SH3TC1: variants seen among roughly 807,000 people sequenced by gnomAD.
The protein encoded by SH3TC1 is SH3 domain and tetratricopeptide repeats 1, also known as SH3 domain and tetratricopeptide repeat-containing protein 1.
SH3TC1 carries 135 observed loss-of-function variants against 117.3 expected under a neutral mutation model. That is an observed-to-expected ratio of 1.15 (90% CI 1.00 to 1.33). SH3TC1 has a LOEUF of 1.33. Among genes scored for constraint, SH3TC1 ranks in the 40% most tolerant of loss-of-function variants. The pLI is 0.00. For synonymous variants in SH3TC1, 898 were observed against 816.9 expected (o/e 1.10, Z -1.69); for missense variants, 2,092 against 1,794.3 (o/e 1.17, Z -3.00).
Position 8,235,428 on chromosome 4 carries a change from T to C in SH3TC1, c.3283-5T>C. 1 of 1,498,272 alleles carries C rather than the reference T, an allele frequency of 6.7e-7. No homozygotes were observed. Among genetic ancestry groups the C allele is most frequent in the Non-Finnish European group, 9.0e-7 (1 of 1,116,304 alleles). The allele number at this position is 1,498,272 out of a possible 1,614,324, so 92.8% of individuals were successfully genotyped here. ...GGTCTTGAGGGAACTTCTGCCTCCTTTCAGGTGGCACAGAACGTGGCCCTG... is the reference window on the plus strand; with the variant it reads ...GGTCTTGAGGGAACTTCTGCCTCCTCTCAGGTGGCACAGAACGTGGCCCTG... On this transcript the variant is annotated splice_polypyrimidine_tract_variant and splice_region_variant and intron_variant, in intron 14 of 17. Coordinates refer to ENST00000245105, the MANE Select transcript of SH3TC1 (RefSeq NM_018986.5).
At chr4:8,232,353 G>A (rs1275789945) in intron 13 of SH3TC1, 197 bp downstream of exon 13, 1 of 1,574,312 alleles carries the variant, frequency 6.4e-7, no homozygotes, top group African/African-American at 1.3e-5. Flanking sequence ...CCCAGCTTGA[G>A]CTTCCCTTGT....
At chr4:8,204,215 C>T (rs1033566040) in intron 1 of SH3TC1, among the ~76,000 whole-genome samples, 1 of 152,192 alleles carries the variant, frequency 6.6e-6, no homozygotes, top group Non-Finnish European at 1.5e-5. Flanking sequence ...GGGGACGAGT[C>T]CACGCACCGG....
At chr4:8,214,960 A>G (rs1401190426) in intron 5 of SH3TC1, among the ~76,000 whole-genome samples, 1 of 152,238 alleles carries the variant, frequency 6.6e-6, no homozygotes, top group African/African-American at 2.4e-5. Flanking sequence ...TGCTGGGATT[A>G]CAGGCATGAG....
chr4:8,195,006 T>A (rs1006599086), upstream of SH3TC1, among the ~76,000 whole-genome samples: 16 of 152,154 alleles, frequency 1.1e-4, no homozygotes, highest in Non-Finnish European at 2.1e-4. Flanking sequence ...ATAGGAGCTG[T>A]GTGGCCCTGG....
In SH3TC1 at chr4:8,209,892, G is replaced by A; in HGVS notation, c.247+70G>A. The A allele has an allele frequency of 6.7e-7, 1 of 1,489,316 alleles. No homozygotes were observed. The allele number at this position is 1,489,316 out of a possible 1,614,324, so 92.3% of individuals were successfully genotyped here. A position where few individuals can be genotyped will look rare whatever the true frequency, so the allele number is the denominator to read the frequency against. The stretch of plus-strand genomic sequence containing the variant: ...GCTGTGCCGCTCCCTGGGCATCCAA[G>A]AGTCCAACCCAGGGCTTCTCAAAGT... On this transcript the variant is annotated intron_variant, in intron 3 of 17. Coordinates refer to ENST00000245105, the MANE Select transcript of SH3TC1 (RefSeq NM_018986.5). The surrounding 1 kb of genome is among the most constrained non-coding windows in gnomAD (Gnocchi z 5.9).
rs943445415 is a variant in SH3TC1, at chr4:8,241,019, G to A, written c.*64G>A. On this transcript the variant is annotated 3_prime_UTR_variant, in exon 18 of 18. Coordinates refer to ENST00000245105, the MANE Select transcript of SH3TC1 (RefSeq NM_018986.5). ...GGGGTCTCCTGCCTCTCCTGGTGTC[G>A]CCGGTGGCTCATTTTCTGGCAAATG... 41 of 1,568,992 alleles carry A rather than the reference G, an allele frequency of 2.6e-5. No individual in the cohort carries two copies. Among genetic ancestry groups the A allele is most frequent in the East Asian group, 9.0e-5 (4 of 44,252 alleles).
chr4:8,232,667 C>T, intron 13 of SH3TC1: 28 of 1,292,916 alleles, frequency 2.2e-5, no homozygotes, highest in Non-Finnish European at 2.8e-5. Context: ...AGCATCCTGA[C>T]CTGGTGGGGT....
intron 1 of SH3TC1, among the ~76,000 whole-genome samples, chr4:8,191,897 G>T (rs575232755): frequency 1.8e-4 from 27 of 152,284 alleles, no homozygotes; most frequent in African/African-American, 6.0e-4. Flanking sequence ...GGGCTGCTCA[G>T]CGTGGAGCTG....
intron 17 of SH3TC1, among the ~76,000 whole-genome samples, chr4:8,239,439 C>CAT (rs397940650): frequency 1.4e-5 from 2 of 147,742 alleles, no homozygotes; most frequent in East Asian, 2.0e-4. Context: ...TGCACACACA[C>CAT]GGACACGCAC....
rs200062484 is a variant in SH3TC1, at chr4:8,230,297, TTTTAA to T, written c.2950+1658_2950+1662del. Among the ~76,000 whole-genome samples, 227 of 152,286 alleles carry T rather than the reference TTTTAA, an allele frequency of 1.5e-3. 7 individuals are homozygous for T. In the East Asian group the frequency reaches 0.039, roughly 26 times the overall value. On this transcript the variant is annotated intron_variant, in intron 12 of 17. Coordinates refer to ENST00000245105, the MANE Select transcript of SH3TC1 (RefSeq NM_018986.5). Reference sequence around the variant, plus strand: ...GATTTTAGAAACTTGGGTTTTTAATTTTTAATTTATTTATTTTTATTAGAGATGGG... The same window carrying T: ...GATTTTAGAAACTTGGGTTTTTAATTTTTATTTATTTTTATTAGAGATGGG...
rs1423227085 is a variant in SH3TC1 at position 8,192,589 on chromosome 4, G to A, written c.-57+10379G>A. Among the ~76,000 whole-genome samples the A allele has an allele frequency of 1.3e-5, 2 of 151,858 alleles. No individual in the cohort carries two copies. Among genetic ancestry groups the A allele is most frequent in the Non-Finnish European group, 2.9e-5 (2 of 68,008 alleles). On this transcript the variant is annotated intron_variant, in intron 1 of 16. Coordinates refer to the SH3TC1 transcript ENST00000508641. The surrounding 1 kb of genome is among the most constrained non-coding windows in gnomAD (Gnocchi z 4.1). ...GCTCACTGCAACCTCTGCCTACTGGGTTCAAGCAATTCTCCCGCCTCAGCC... is the reference window on the plus strand; with the variant it reads ...GCTCACTGCAACCTCTGCCTACTGGATTCAAGCAATTCTCCCGCCTCAGCC...
chr4:8,229,804 C>T (rs1026929868), intron 12 of SH3TC1, among the ~76,000 whole-genome samples: 22 of 152,084 alleles, frequency 1.4e-4, no homozygotes, highest in African/African-American at 5.1e-4. Context: ...CAGCAGCCTC[C>T]GGTGGGTCCT....
intron 10 of SH3TC1, among the ~76,000 whole-genome samples, chr4:8,224,833 G>A (rs924051785): frequency 2.6e-5 from 4 of 152,202 alleles, no homozygotes; most frequent in African/African-American, 9.6e-5. Flanking sequence ...ATGGGAGGAT[G>A]TCCCCAGAAG....
chr4:8,237,805 G>A, intron 17 of SH3TC1, 135 bp downstream of exon 17: 8 of 981,002 alleles, frequency 8.2e-6, no homozygotes, highest in Non-Finnish European at 1.1e-5. Flanking sequence ...GCGCCCGGCT[G>A]GAGGAGCTGG....
At chr4:8,211,487 T>TTCTCCCTCCCTCTCCCCCC (rs1718721829) in intron 3 of SH3TC1, among the ~76,000 whole-genome samples, 1 of 24,172 alleles carries the variant, frequency 4.1e-5, no homozygotes, top group Non-Finnish European at 1.0e-4. Context: ...CCTCTCCCCC[T>TTCTCCCTCCCTCTCCCCCC]CCCGGTGTCT....
chr4:8,187,981 A>G (rs1487628062), intron 1 of SH3TC1, among the ~76,000 whole-genome samples: 1 of 152,092 alleles, frequency 6.6e-6, no homozygotes, highest in African/African-American at 2.4e-5. Context: ...CAGTTCCATC[A>G]TTTCGGGGAT....
Position 8,205,932 on chromosome 4 carries a change from C to A in SH3TC1, c.172+566C>A, listed in dbSNP as rs1032018946. On this transcript the variant is annotated intron_variant, in intron 2 of 17. Coordinates refer to ENST00000245105, the MANE Select transcript of SH3TC1 (RefSeq NM_018986.5). The surrounding 1 kb of genome is among the most constrained non-coding windows in gnomAD (Gnocchi z 5.4). Reference sequence around the variant, plus strand: ...AGGGGAGAGGCAGGGGAGACCAAGGCCTGCACGGCCCCTCCCGGCAGGAGA... The same window carrying A: ...AGGGGAGAGGCAGGGGAGACCAAGGACTGCACGGCCCCTCCCGGCAGGAGA... The A allele has an allele frequency of 4.2e-6, 2 of 481,892 alleles. No homozygotes were observed. Among genetic ancestry groups the A allele is most frequent in the Non-Finnish European group, 7.4e-6 (2 of 270,158 alleles). 29.9% of individuals were successfully genotyped at this position (481,892 alleles called of 1,614,324 possible).
chr4:8,213,941 A>T (rs922117617), intron 4 of SH3TC1, among the ~76,000 whole-genome samples: 1 of 151,512 alleles, frequency 6.6e-6, no homozygotes, highest in Non-Finnish European at 1.5e-5. Context: ...TCTGAAATGG[A>T]GACTCTAATA....
chr4:8,213,089 C>T (rs920395335), intron 4 of SH3TC1: 6 of 496,314 alleles, frequency 1.2e-5, no homozygotes, highest in Non-Finnish European at 1.8e-5. Flanking sequence ...CTCGAGCTGT[C>T]CCTTTCTCCA....
Sources: gnomAD v4.1 joint callset for allele counts (sites outside exome capture counted in the v4.1 genomes callset) on GRCh38, gnomAD v4.1.1 for gene constraint, Gnocchi (gnomAD v3.1) non-coding constraint, MANE v1.5 for transcripts, NCBI Gene and HGNC (gene_info 2026-07-23, HGNC 2026-07-21) for gene names.